Variants in MYO1H observed in about 807,000 individuals in gnomAD.
MYO1H encodes the protein unconventional myosin-Ih.
Under a neutral mutation model 149.3 loss-of-function variants are expected in MYO1H, and 118 were observed. That is an observed-to-expected ratio of 0.79 (90% confidence interval 0.68 to 0.92). The LOEUF (loss-of-function observed/expected upper bound fraction) is 0.92. Ranked by LOEUF, MYO1H falls within the 40% of genes least tolerant of loss-of-function variation. The pLI, the probability that MYO1H is intolerant of heterozygous loss-of-function variation, is 0.00. For missense variants in MYO1H, 1,212 were observed against 1,280.7 expected (o/e 0.95, Z 0.82); for synonymous variants, 447 against 465.2 (o/e 0.96, Z 0.50).
At chr12:109,312,807 C>CA in the MYO1H span, among the ~76,000 whole-genome samples, 1 of 125,728 alleles carries the variant, frequency 8.0e-6, no homozygotes, top group Non-Finnish European at 1.7e-5. Flanking sequence ...TTTTTTTTAA[C>CA]TTGAACCATT....
Position 109,431,927 on chromosome 12 carries a change from C to T in MYO1H, c.1950-970C>T, listed in dbSNP as rs143581366. Among the ~76,000 whole-genome samples, 683 of 151,958 alleles carry T rather than the reference C, an allele frequency of 4.5e-3. 2 individuals carry two copies. Among genetic ancestry groups the T allele is most frequent in the Admixed American group, 1.0e-2 (152 of 15,250 alleles). On this transcript the variant is annotated intron_variant, in intron 19 of 31. Coordinates refer to ENST00000310903, the Ensembl canonical transcript of MYO1H. Reference sequence around the variant, plus strand: ...CAACCTCCTGGACTCAAGCGATCCTCCTGCCTCAGCCTCCTGAGTAGCTGG... The same window carrying T: ...CAACCTCCTGGACTCAAGCGATCCTTCTGCCTCAGCCTCCTGAGTAGCTGG...
exon 6 of MYO1H, chr12:109,401,109 G>A (rs761219903): frequency 2.8e-5 from 45 of 1,613,770 alleles, no homozygotes; most frequent in Non-Finnish European, 3.6e-5. Context: ...CCCGTAGGTG[G>A]GCATATCATC....
At chr12:109,436,048 G>A (rs998266825) in intron 21 of MYO1H, among the ~76,000 whole-genome samples, 1 of 152,166 alleles carries the variant, frequency 6.6e-6, no homozygotes, top group Non-Finnish European at 1.5e-5. Flanking sequence ...TGTAGAAGCC[G>A]AGGGAGAGTG....
chr12:109,436,675 G>C lies in MYO1H; in HGVS notation c.2209+119G>C, dbSNP rs1171063716. ...TTAAAACCTTGTGTGGTGCTATCTT[G>C]GGGTCCAGTTCTGGGGCCTCTTCTC... On this transcript the variant is annotated intron_variant, in intron 22 of 31. Coordinates refer to ENST00000310903, the Ensembl canonical transcript of MYO1H. 7.4e-6 allele frequency: 5 copies of C among 679,804 alleles called. No homozygotes were observed. In the African/African-American group the frequency reaches 9.0e-5, roughly 12 times the overall value. The allele number at this position is 679,804 out of a possible 1,614,324, so 42.1% of individuals were successfully genotyped here. A position where few individuals can be genotyped will look rare whatever the true frequency, so the allele number is the denominator to read the frequency against.
At chr12:109,396,930 C>T (rs931730023) in intron 4 of MYO1H, among the ~76,000 whole-genome samples, 4 of 135,312 alleles carry the variant, frequency 3.0e-5, no homozygotes, top group Non-Finnish European at 6.2e-5. Flanking sequence ...TGAGTTTAAG[C>T]AATTCTCCTG....
intron 19 of MYO1H, among the ~76,000 whole-genome samples, chr12:109,432,160 C>G (rs1480704385): frequency 1.3e-5 from 2 of 152,016 alleles, no homozygotes; most frequent in African/African-American, 4.8e-5. Context: ...CGCCACCATG[C>G]CTGGCTAATT....
chr12:109,337,448 G>A, the MYO1H span, among the ~76,000 whole-genome samples: 4 of 152,110 alleles, frequency 2.6e-5, no homozygotes, highest in South Asian at 6.2e-4. Flanking sequence ...AAAGAAAAGA[G>A]GTTTAATTGA....
chr12:109,339,228 G>A, the MYO1H span, among the ~76,000 whole-genome samples: 1 of 152,214 alleles, frequency 6.6e-6, no homozygotes, highest in Non-Finnish European at 1.5e-5. Context: ...AGCCAGAAGT[G>A]GTGGCAGGCA....
chr12:109,442,616 G>C (rs184602460), intron 27 of MYO1H, among the ~76,000 whole-genome samples: 1 of 152,112 alleles, frequency 6.6e-6, no homozygotes, highest in African/African-American at 2.4e-5. Context: ...TGCTTTGAAC[G>C]TAGCAGCCGT....
chr12:109,439,879 T>TCAAGCCAAAGGGA, intron 24 of MYO1H, 89 bp downstream of exon 24: 3 of 1,258,538 alleles, frequency 2.4e-6, no homozygotes, highest in Non-Finnish European at 3.4e-6. Context: ...TGCCTCCCTT[T>TCAAGCCAAAGGGA]GGCTTGAAAG....
intron 30 of MYO1H, 35 bp downstream of exon 30, chr12:109,444,564 C>T: frequency 6.5e-7 from 1 of 1,530,540 alleles, no homozygotes; most frequent in Non-Finnish European, 9.0e-7. Context: ...GGAAGTAATT[C>T]AATGTTAAAA....
intron 7 of MYO1H, 37 bp downstream of exon 7, chr12:109,404,117 G>T: frequency 6.8e-7 from 1 of 1,465,162 alleles, no homozygotes. Flanking sequence ...AGTTCCCCCT[G>T]GGACTGAGGA....
intron 6 of MYO1H, 107 bp from the exon 7 acceptor site, chr12:109,403,875 A>G: frequency 3.0e-6 from 2 of 674,512 alleles, no homozygotes; most frequent in Non-Finnish European, 5.2e-6. Context: ...TTGATTCGCA[A>G]TTCAGTACAT....
chr12:109,316,972 A>G, the MYO1H span, among the ~76,000 whole-genome samples: 1 of 152,232 alleles, frequency 6.6e-6, no homozygotes, highest in Non-Finnish European at 1.5e-5. Context: ...TGGAGGAGGC[A>G]GTGAGGGTTT....
At chr12:109,392,593 A>G (rs1403120403) in intron 2 of MYO1H, among the ~76,000 whole-genome samples, 2 of 151,762 alleles carry the variant, frequency 1.3e-5, no homozygotes, top group Non-Finnish European at 2.9e-5. Flanking sequence ...GTGGTGGCGC[A>G]TGCCTGTAAT....
At chr12:109,426,076 G>C (rs1288069970) in intron 18 of MYO1H, 25 bp downstream of exon 18, 1 of 1,569,056 alleles carries the variant, frequency 6.4e-7, no homozygotes, top group South Asian at 1.1e-5. Context: ...ATTATGAACT[G>C]GGCTCAGGGA....
At chr12:109,387,188 C>T (rs544476353) in intron 1 of MYO1H, among the ~76,000 whole-genome samples, 1 of 152,170 alleles carries the variant, frequency 6.6e-6, no homozygotes, top group Non-Finnish European at 1.5e-5. Context: ...GCCTCAGCAT[C>T]CCAGTGTGCT....
At chr12:109,408,414 A>G (rs73407515) in intron 10 of MYO1H, among the ~76,000 whole-genome samples, 16,367 of 152,196 alleles carry the variant, frequency 0.11, 1,848 homozygotes, top group African/African-American at 0.29. Context: ...GGCCCAAGCC[A>G]TCTTCCCACT....
intron 14 of MYO1H, among the ~76,000 whole-genome samples, chr12:109,413,626 G>A (rs1332638413): frequency 3.3e-5 from 5 of 152,166 alleles, no homozygotes; most frequent in Non-Finnish European, 5.9e-5. Context: ...AGTACATACT[G>A]TGGCCGAGCG....
Sources: allele counts gnomAD v4.1 joint callset (sites outside exome capture counted in the v4.1 genomes callset), GRCh38; gene constraint gnomAD v4.1.1; transcripts MANE v1.5; gene names NCBI Gene and HGNC (gene_info 2026-07-23, HGNC 2026-07-21).